IL1RAPL1: variants seen among roughly 807,000 people sequenced by gnomAD.
The protein encoded by IL1RAPL1 is interleukin 1 receptor accessory protein like 1.
In IL1RAPL1, 3 loss-of-function variants were observed where a neutral mutation model predicts 48.4. The ratio of observed to expected loss-of-function variants is 0.06; its 90% CI spans 0.03 to 0.16. IL1RAPL1 has a LOEUF of 0.16. Ranked by LOEUF, IL1RAPL1 falls within the 10% of genes least tolerant of loss-of-function variation. The pLI is 1.00. For synonymous variants in IL1RAPL1, 185 were observed against 187.7 expected, an observed-to-expected ratio of 0.99 and a Z score of 0.12; for missense variants, 349 against 530.6, an observed-to-expected ratio of 0.66 and a Z score of 3.36.
intron 7 of IL1RAPL1, 136 bp from the exon 8 acceptor site, chrX:29,919,813 G>A: frequency 1.7e-6 from 1 of 599,477 alleles, no homozygotes; most frequent in Non-Finnish European, 2.8e-6. Flanking sequence ...AATTAACACA[G>A]CATCAATTCA....
intron 5 of IL1RAPL1, among the ~76,000 whole-genome samples, chrX:29,629,120 A>G (rs1924696684): frequency 8.9e-6 from 1 of 112,075 alleles, no homozygotes; most frequent in Non-Finnish European, 1.9e-5. Context: ...TGGACCTGGC[A>G]TATAGTTTTA....
At chrX:29,527,801 A>C (rs1935570652) in intron 5 of IL1RAPL1, among the ~76,000 whole-genome samples, 1 of 112,344 alleles carries the variant, frequency 8.9e-6, no homozygotes, top group Non-Finnish European at 1.9e-5. Context: ...ATATATAAAG[A>C]ACTTTTAAAA....
chrX:28,885,546 CTT>C lies in IL1RAPL1; in HGVS notation c.82+96122_82+96123del, dbSNP rs1922608082. Among the ~76,000 whole-genome samples the C allele has an allele frequency of 2.7e-5, 3 of 111,638 alleles. No individual in the cohort carries two copies. In the South Asian group the frequency reaches 1.1e-3, roughly 41 times the overall value. ...TATTCTAAATTTAAAAGGTTAAAAA[CTT>C]AACGTATTTGTTTTTAATTTTAACA... On this transcript the variant is annotated intron_variant, in intron 2 of 10. Coordinates refer to ENST00000378993, the MANE Select transcript of IL1RAPL1 (RefSeq NM_014271.4).
intron 2 of IL1RAPL1, among the ~76,000 whole-genome samples, chrX:28,964,989 A>G (rs1387819197): frequency 9.0e-6 from 1 of 111,368 alleles, no homozygotes; most frequent in Non-Finnish European, 1.9e-5. Context: ...TTGGCTTTGT[A>G]TACTCTCCAC....
intron 5 of IL1RAPL1, among the ~76,000 whole-genome samples, chrX:29,411,815 CAT>C (rs1210262810): frequency 2.7e-5 from 3 of 109,845 alleles, no homozygotes; most frequent in African/African-American, 9.9e-5. Context: ...ATTTTGGACA[CAT>C]ATTTAAACTT....
At chrX:29,188,100 C>T (rs546831469) in intron 2 of IL1RAPL1, among the ~76,000 whole-genome samples, 6 of 111,686 alleles carry the variant, frequency 5.4e-5, no homozygotes, top group African/African-American at 1.3e-4. Flanking sequence ...TAGCTTGCTT[C>T]CCCAGGAGCC....
chrX:29,459,694 A>G (rs1003002030), intron 5 of IL1RAPL1, among the ~76,000 whole-genome samples: 2 of 112,032 alleles, frequency 1.8e-5, no homozygotes, highest in Non-Finnish European at 3.8e-5. Context: ...TTTGAAATAT[A>G]TATACATTGT....
rs781352108 is a variant in IL1RAPL1 at position 29,438,186 on chromosome X, G to A, written c.703+38878G>A. Among the ~76,000 whole-genome samples, 401 of 111,036 alleles carry A rather than the reference G, an allele frequency of 3.6e-3. 5 individuals are homozygous for A. Among genetic ancestry groups the A allele is most frequent in the African/African-American group, 0.012 (380 of 30,690 alleles). On this transcript the variant is annotated intron_variant, in intron 5 of 10. Coordinates refer to ENST00000378993, the MANE Select transcript of IL1RAPL1 (RefSeq NM_014271.4). ...AGTGTAGAATTGTTCACGTTAGTCC[G>A]TTATTGTGCTTTTGGTGTCTACAGG... is the stretch of plus-strand genomic sequence containing the variant.
chrX:29,562,070 ATCT>A (rs1922228005), intron 5 of IL1RAPL1, among the ~76,000 whole-genome samples: 5 of 100,998 alleles, frequency 5.0e-5, no homozygotes, highest in Admixed American at 1.1e-4. Context: ...CTATCTATCT[ATCT>A]ATCTATCTAA....
intron 2 of IL1RAPL1, among the ~76,000 whole-genome samples, chrX:29,167,827 G>A (rs1237766277): frequency 9.1e-6 from 1 of 109,968 alleles, no homozygotes; most frequent in Non-Finnish European, 1.9e-5. Flanking sequence ...CTTACTTACT[G>A]GCCAACACCT....
chrX:28,719,680 A>G (rs968449391), intron 1 of IL1RAPL1, among the ~76,000 whole-genome samples: 3 of 111,077 alleles, frequency 2.7e-5, no homozygotes, highest in Non-Finnish European at 3.8e-5. Context: ...TAAAGTTTGT[A>G]TTGATTGCTA....
At chrX:29,060,642 A>G (rs1285187781) in intron 2 of IL1RAPL1, among the ~76,000 whole-genome samples, 3 of 111,724 alleles carry the variant, frequency 2.7e-5, no homozygotes, top group Admixed American at 9.6e-5. Context: ...AAGTTACCAT[A>G]TTCTTGCTCC....
At chrX:29,528,942 TTG>T (rs763518132) in intron 5 of IL1RAPL1, among the ~76,000 whole-genome samples, 45 of 111,183 alleles carry the variant, frequency 4.0e-4, no homozygotes, top group African/African-American at 1.4e-3. Context: ...AACAGACATC[TTG>T]TGTGTGCCTC....
chrX:29,175,073 C>CAAAAAA (rs3065738), intron 2 of IL1RAPL1, among the ~76,000 whole-genome samples: 2 of 61,555 alleles, frequency 3.2e-5, no homozygotes, highest in East Asian at 1.1e-3. Flanking sequence ...GACTCCGTCT[C>CAAAAAA]AAAAAAAAAA....
At chrX:28,655,522 C>T (rs1248521183) in intron 1 of IL1RAPL1, among the ~76,000 whole-genome samples, 1 of 110,820 alleles carries the variant, frequency 9.0e-6, no homozygotes, top group African/African-American at 3.3e-5. Context: ...AAAAGAGCAC[C>T]AAGCAAATAA....
intron 6 of IL1RAPL1, among the ~76,000 whole-genome samples, chrX:29,772,565 C>G (rs954962137): frequency 9.0e-6 from 1 of 111,593 alleles, no homozygotes; most frequent in Non-Finnish European, 1.9e-5. Context: ...GCAATAAAAG[C>G]CCTTAACTTC....
chrX:29,916,057 T>C (rs1932798613), intron 6 of IL1RAPL1, among the ~76,000 whole-genome samples: 1 of 101,562 alleles, frequency 9.8e-6, no homozygotes, highest in African/African-American at 3.6e-5. Context: ...GTTTCATCCA[T>C]GTCCCTACAA....
chrX:29,863,300 T>C (rs1418819391), intron 6 of IL1RAPL1, among the ~76,000 whole-genome samples: 1 of 112,125 alleles, frequency 8.9e-6, no homozygotes, highest in Non-Finnish European at 1.9e-5. Flanking sequence ...GCAGAGTAAC[T>C]TTCTAATTAT....
intron 3 of IL1RAPL1, among the ~76,000 whole-genome samples, chrX:29,387,793 G>T (rs960214741): frequency 2.7e-5 from 3 of 110,605 alleles, no homozygotes; most frequent in Non-Finnish European, 3.8e-5. Context: ...AGGAGTTTGA[G>T]ACCAGCCTGG....
Sources: gnomAD v4.1 joint callset for allele counts (sites outside exome capture counted in the v4.1 genomes callset) on GRCh38, gnomAD v4.1.1 for gene constraint, MANE v1.5 for transcripts, NCBI Gene and HGNC (gene_info 2026-07-23, HGNC 2026-07-21) for gene names.